Variants in ASTN1 observed in about 807,000 individuals in gnomAD.
ASTN1 encodes astrotactin 1.
ASTN1 carries 41 observed loss-of-function variants against 140.7 expected under a neutral mutation model. The observed-to-expected ratio is 0.29, with a 90% confidence interval of 0.23 to 0.38. The LOEUF is 0.38. ASTN1 is among the 10% of genes least tolerant of loss of function. The pLI is 1.00. For missense variants in ASTN1, 1,479 were observed against 1,678.8 expected, an observed-to-expected ratio of 0.88 and a Z score of 2.08; for synonymous variants, 640 against 652.2, an observed-to-expected ratio of 0.98 and a Z score of 0.29.
intron 8 of ASTN1, among the ~76,000 whole-genome samples, chr1:177,008,465 G>GAGAGAGAGACGGAGAGGA (rs1675107457): frequency 1.4e-5 from 2 of 143,572 alleles, no homozygotes; most frequent in African/African-American, 5.2e-5. Context: ...GAGAGGAAGA[G>GAGAGAGAGACGGAGAGGA]AGAGAGAGAG....
chr1:177,136,687 T>C (rs1206300666), intron 1 of ASTN1, among the ~76,000 whole-genome samples: 1 of 152,200 alleles, frequency 6.6e-6, no homozygotes, highest in East Asian at 1.9e-4. Context: ...TCCATCTTCC[T>C]GGCTGTGCTC....
chr1:176,919,365 A>G (rs1295856251), intron 16 of ASTN1, among the ~76,000 whole-genome samples: 1 of 152,240 alleles, frequency 6.6e-6, no homozygotes, highest in Non-Finnish European at 1.5e-5. Flanking sequence ...CTACCAGCCT[A>G]AAGAATGCAG....
chr1:176,927,355 C>T (rs1420477243), intron 16 of ASTN1, among the ~76,000 whole-genome samples: 3 of 151,802 alleles, frequency 2.0e-5, no homozygotes, highest in Non-Finnish European at 2.9e-5. Context: ...CAAGAAAAGG[C>T]GTTGGCAAAG....
intron 16 of ASTN1, among the ~76,000 whole-genome samples, chr1:176,899,712 C>G (rs1557945314): frequency 2.0e-5 from 3 of 152,168 alleles, no homozygotes; most frequent in African/African-American, 7.2e-5. Flanking sequence ...CTGCTCAAGC[C>G]AGATGTCCTC....
intron 16 of ASTN1, among the ~76,000 whole-genome samples, chr1:176,907,930 T>C (rs892275281): frequency 6.6e-6 from 1 of 152,132 alleles, no homozygotes; most frequent in Non-Finnish European, 1.5e-5. Flanking sequence ...TTAACAACAG[T>C]AGATATTAAA....
rs574035969 is a variant in ASTN1, at chr1:177,028,409, T to C, written c.1120+1225A>G. 4.3e-3 allele frequency among the ~76,000 whole-genome samples: 654 copies of C among 152,238 alleles called. 7 individuals are homozygous for C. Among genetic ancestry groups the C allele is most frequent in the African/African-American group, 0.015 (624 of 41,542 alleles). ...CACAATGATCTCTTGAGAAAAATGA[T>C]GGAAAAACTTTTATTATACTGATAG... is the stretch of plus-strand genomic sequence containing the variant. On this transcript the variant is annotated intron_variant, in intron 5 of 22. Coordinates refer to ENST00000361833, the MANE Select transcript of ASTN1 (RefSeq NM_004319.3).
chr1:176,932,992 T>C (rs1433834641), intron 16 of ASTN1, among the ~76,000 whole-genome samples: 1 of 152,214 alleles, frequency 6.6e-6, no homozygotes, highest in Non-Finnish European at 1.5e-5. Context: ...TCTTGGCAAA[T>C]TGGAATCAGA....
In ASTN1 at chr1:176,882,248, T is replaced by C. The variant is rs1215778152; in HGVS notation, c.3362+611A>G. On this transcript the variant is annotated intron_variant, in intron 20 of 22. Coordinates refer to ENST00000361833, the MANE Select transcript of ASTN1 (RefSeq NM_004319.3). ...TAAATTACTTCAATGCCATTGGAGC[T>C]AGCTAGCTTTCTAAAGCAGAGTTCT... 2.0e-5 allele frequency among the ~76,000 whole-genome samples: 3 copies of C among 152,254 alleles called. No homozygotes were observed. The South Asian group carries it at 6.2e-4, about 31-fold the overall frequency.
intron 8 of ASTN1, among the ~76,000 whole-genome samples, chr1:176,978,358 G>T (rs1673458495): frequency 6.6e-6 from 1 of 152,186 alleles, no homozygotes; most frequent in Non-Finnish European, 1.5e-5. Context: ...AGATAAATGG[G>T]AAAGAGAAAC....
chr1:177,143,350 A>G lies in ASTN1; in HGVS notation c.283+21044T>C, dbSNP rs550821812. Among the ~76,000 whole-genome samples, 4 of 152,328 alleles carry G rather than the reference A, an allele frequency of 2.6e-5. 1 individual carries two copies. Among genetic ancestry groups the G allele is most frequent in the African/African-American group, 9.6e-5 (4 of 41,584 alleles). ...ACCATAATCATCAATCTACATTGTA[A>G]TGTGAGAATTATAGGGAAGTCAGAT... On this transcript the variant is annotated intron_variant, in intron 1 of 22. Transcript: ENST00000361833.
chr1:177,017,771 G>T (rs1407158581), intron 7 of ASTN1, among the ~76,000 whole-genome samples: 1 of 152,170 alleles, frequency 6.6e-6, no homozygotes, highest in South Asian at 2.1e-4. Flanking sequence ...GTTGGTGCAG[G>T]GTCTGGAGAC....
Position 177,064,016 on chromosome 1 carries a change from C to T in ASTN1, c.284-2751G>A, listed in dbSNP as rs143765422. On this transcript the variant is annotated intron_variant, in intron 1 of 22. Coordinates refer to ENST00000361833, the MANE Select transcript of ASTN1 (RefSeq NM_004319.3). ...CTTGGCAAACCAGATTTTTATTTCCCAGGAGATCCTCCTCAAGTAGGTCAG... is the reference window on the plus strand; with the variant it reads ...CTTGGCAAACCAGATTTTTATTTCCTAGGAGATCCTCCTCAAGTAGGTCAG... Among the ~76,000 whole-genome samples the T allele has an allele frequency of 1.2e-3, 188 of 152,212 alleles. 1 individual carries two copies. The highest frequency in any genetic ancestry group is 4.3e-3 in the African/African-American group (178 of 41,536).
At chr1:176,878,523 G>A (rs1011336550) in intron 20 of ASTN1, among the ~76,000 whole-genome samples, 5 of 151,550 alleles carry the variant, frequency 3.3e-5, no homozygotes, top group African/African-American at 1.2e-4. Context: ...GCATCATTTG[G>A]CCCCACATGC....
At chr1:177,018,491 C>T (rs1372077802) in intron 7 of ASTN1, among the ~76,000 whole-genome samples, 1 of 152,192 alleles carries the variant, frequency 6.6e-6, no homozygotes, top group Non-Finnish European at 1.5e-5. Flanking sequence ...CACATTTCCA[C>T]ATGGTTGGGT....
chr1:177,095,122 T>C (rs1452604291), intron 1 of ASTN1, among the ~76,000 whole-genome samples: 1 of 152,206 alleles, frequency 6.6e-6, no homozygotes, highest in South Asian at 2.1e-4. Context: ...AGGAAAGTAT[T>C]GAAGGTGTGG....
intron 1 of ASTN1, among the ~76,000 whole-genome samples, chr1:177,127,944 C>A (rs936729401): frequency 1.3e-5 from 2 of 152,148 alleles, no homozygotes; most frequent in Admixed American, 6.6e-5. Flanking sequence ...GATACAATTT[C>A]TTTACAAATA....
At chr1:176,980,772 G>T (rs1023864280) in intron 8 of ASTN1, among the ~76,000 whole-genome samples, 1 of 151,958 alleles carries the variant, frequency 6.6e-6, no homozygotes, top group Non-Finnish European at 1.5e-5. Context: ...TGACAGCCTT[G>T]GTAACTACCT....
chr1:176,933,381 T>C (rs1671289603), intron 16 of ASTN1, among the ~76,000 whole-genome samples: 1 of 152,222 alleles, frequency 6.6e-6, no homozygotes, highest in Non-Finnish European at 1.5e-5. Flanking sequence ...CACTTGCCCT[T>C]TAGCAAGTCC....
intron 8 of ASTN1, among the ~76,000 whole-genome samples, chr1:176,996,334 C>CAGAGAA (rs990382792): frequency 2.0e-5 from 3 of 150,080 alleles, no homozygotes; most frequent in East Asian, 4.0e-4. Flanking sequence ...GAGACAGAGA[C>CAGAGAA]AGAGAAAGAG....
Sources: gnomAD v4.1 joint callset for allele counts (sites outside exome capture counted in the v4.1 genomes callset) on GRCh38, gnomAD v4.1.1 for gene constraint, MANE v1.5 for transcripts, NCBI Gene and HGNC (gene_info 2026-07-23, HGNC 2026-07-21) for gene names.